C10orf105: variants seen among roughly 807,000 people sequenced by gnomAD.
C10orf105 encodes the protein uncharacterized protein C10orf105.
A neutral mutation model predicts 0.6 loss-of-function variants in C10orf105; 2 were observed. The ratio of observed to expected loss-of-function variants is 3.18; its 90% CI spans 1.30 to 10.01. The LOEUF (loss-of-function observed/expected upper bound fraction) is 10.01. C10orf105 is among the 30% of genes most tolerant of loss of function. The pLI is 0.04. For synonymous variants in C10orf105, 95 were observed against 82.4 expected (o/e 1.15, Z -0.83); for missense variants, 209 against 191.4 (o/e 1.09, Z -0.54).
At chr10:71,728,095 G>A (rs1182859265) in intron 1 of C10orf105, among the ~76,000 whole-genome samples, 2 of 152,154 alleles carry the variant, frequency 1.3e-5, no homozygotes, top group Non-Finnish European at 2.9e-5. Context: ...ATTTGGACAA[G>A]CAGATTGAGG....
At position 71,737,606 on chromosome 10, in the gene C10orf105, C is replaced by T. The variant is rs1839602904; in HGVS notation, c.-6+122G>A. On this transcript the variant is annotated intron_variant, in intron 1 of 1. Transcript: ENST00000398786. ...CCTGGGAGCCCCTGAACCCCACATGCAGGGAAGCAGAGAATGGGGTCTGGC... is the reference window on the plus strand; with the variant it reads ...CCTGGGAGCCCCTGAACCCCACATGTAGGGAAGCAGAGAATGGGGTCTGGC... 8.9e-6 allele frequency: 4 copies of T among 449,908 alleles called. No homozygotes were observed. The Admixed American group carries it at 9.5e-5, about 11-fold the overall frequency. 27.9% of individuals were successfully genotyped at this position (449,908 alleles called of 1,614,324 possible).
At chr10:71,723,937 T>C, upstream of C10orf105, 1 of 1,264,198 alleles carries the variant, frequency 7.9e-7, no homozygotes, top group Non-Finnish European at 1.1e-6. Context: ...CCACAGGTTT[T>C]GGCAGGATGG....
chr10:71,726,690 T>C (rs930749548), intron 1 of C10orf105, among the ~76,000 whole-genome samples: 5 of 152,244 alleles, frequency 3.3e-5, no homozygotes, highest in African/African-American at 1.2e-4. Context: ...ATTCGTGGGC[T>C]GGTCAGTACG....
Position 71,716,167 on chromosome 10 carries a change from C to T in C10orf105, c.171G>A (p.Thr57=), listed in dbSNP as rs751622058. Residue 57 remains threonine, a synonymous_variant, in exon 2 of 2, where the codon ACG becomes ACA. Transcript: ENST00000441508. Reference sequence around the variant, plus strand: ...GGTCCAGCGCGGCCGGCTTGCAGAGCGTCATGAACAGCAGACAGGTGGCCA... The same window carrying T: ...GGTCCAGCGCGGCCGGCTTGCAGAGTGTCATGAACAGCAGACAGGTGGCCA... ...LLLATCLLFM[T]LCKPAALDPS... is the part of the protein sequence containing the mutation. 6.4e-6 allele frequency: 10 copies of T among 1,550,704 alleles called. No individual in the cohort carries two copies. The South Asian group carries it at 1.1e-4, about 17-fold the overall frequency.
At chr10:71,723,888 C>T (rs3802713), upstream of C10orf105, among the ~76,000 whole-genome samples, 23,749 of 152,110 alleles carry the variant, frequency 0.16, 2,072 homozygotes, top group South Asian at 0.33. Context: ...AAGACATACA[C>T]GTCCCCTTGT....
At chr10:71,732,645 A>G in intron 1 of C10orf105, 1 of 1,363,544 alleles carries the variant, frequency 7.3e-7, no homozygotes, top group Non-Finnish European at 9.5e-7. Flanking sequence ...ACAAAGAAAC[A>G]AAAAAAAGTC....
In C10orf105 at chr10:71,712,605, C is replaced by T. The variant is rs2132759991; in HGVS notation, c.*3331G>A. On this transcript the variant is annotated 3_prime_UTR_variant, in exon 2 of 2. Coordinates refer to ENST00000441508, the MANE Select transcript of C10orf105 (RefSeq NM_001164375.3). ...CGGTGCCCGGGAGTGTGCAAAGTCACAGGAAGTGTGCCCCTCTCTCAGGCA... is the reference window on the plus strand; with the variant it reads ...CGGTGCCCGGGAGTGTGCAAAGTCATAGGAAGTGTGCCCCTCTCTCAGGCA... 2 of 1,593,630 alleles carry T rather than the reference C, an allele frequency of 1.3e-6. No individual in the cohort carries two copies. The highest frequency in any genetic ancestry group is 4.5e-5 in the East Asian group (2 of 44,296).
upstream of C10orf105, chr10:71,723,916 T>G: frequency 9.7e-7 from 1 of 1,028,084 alleles, no homozygotes; most frequent in Non-Finnish European, 1.5e-6. Context: ...ACCCCCAGCC[T>G]CTGAGGGAGA....
intron 1 of C10orf105, among the ~76,000 whole-genome samples, chr10:71,718,071 T>C (rs950491017): frequency 5.3e-5 from 8 of 152,178 alleles, no homozygotes; most frequent in African/African-American, 1.9e-4. Context: ...CCCTTTAACC[T>C]TGGGGTCTTT....
intron 1 of C10orf105, among the ~76,000 whole-genome samples, chr10:71,730,963 C>G (rs1303148828): frequency 1.3e-5 from 2 of 152,184 alleles, no homozygotes; most frequent in African/African-American, 4.8e-5. Context: ...TGCGGCCTGG[C>G]CTGCTCCTCC....
At chr10:71,734,152 G>A in intron 1 of C10orf105, 2 of 1,050,012 alleles carry the variant, frequency 1.9e-6, no homozygotes, top group South Asian at 1.3e-5. Context: ...GACAGAGGAA[G>A]TGACATGGAG....
chr10:71,721,402 A>G (rs1866548635), upstream of C10orf105, among the ~76,000 whole-genome samples: 1 of 152,114 alleles, frequency 6.6e-6, no homozygotes, highest in African/African-American at 2.4e-5. Context: ...ACACATCCCC[A>G]TGCTAGGCAC....
At chr10:71,724,418 G>T (rs61852056), upstream of C10orf105, among the ~76,000 whole-genome samples, 1 of 152,040 alleles carries the variant, frequency 6.6e-6, no homozygotes, top group Non-Finnish European at 1.5e-5. Flanking sequence ...TCAGCCTCCC[G>T]TCCCCAGTAG....
chr10:71,718,862 T>C (rs1318994060), intron 1 of C10orf105, among the ~76,000 whole-genome samples: 1 of 151,312 alleles, frequency 6.6e-6, no homozygotes, highest in Non-Finnish European at 1.5e-5. Context: ...AGCCCAGGAG[T>C]TTGAGAACAG....
chr10:71,726,149 G>T (rs1866798831), intron 1 of C10orf105, among the ~76,000 whole-genome samples: 1 of 152,116 alleles, frequency 6.6e-6, no homozygotes. Context: ...GCCAGCAGGG[G>T]GATGACTGAG....
rs373634236 is a variant in C10orf105, at chr10:71,732,312, G to A, written c.-6+5416C>T. Reference sequence around the variant, plus strand: ...CCATCGACAACCTCAACCAAATCACGTACCGCTTCAACGCCTACACCAGCA... The same window carrying A: ...CCATCGACAACCTCAACCAAATCACATACCGCTTCAACGCCTACACCAGCA... On this transcript the variant is annotated intron_variant, in intron 1 of 1. Coordinates refer to the C10orf105 transcript ENST00000398786. The A allele has an allele frequency of 5.0e-5, 81 of 1,607,022 alleles. No homozygotes were observed. Among genetic ancestry groups the A allele is most frequent in the Middle Eastern group, 5.0e-4 (3 of 6,058 alleles).
At chr10:71,724,030 C>T (rs1304889620), upstream of C10orf105, 46 of 1,554,878 alleles carry the variant, frequency 3.0e-5, no homozygotes, top group Non-Finnish European at 3.9e-5. Flanking sequence ...TAACTCGTGT[C>T]TCATTCTTCC....
rs904021576 is a variant in C10orf105 at position 71,715,696 on chromosome 10, C to G, written c.*240G>C. The stretch of plus-strand genomic sequence containing the variant: ...CCCAGATGACCACGAGTGCACATCT[C>G]TTGACCAGAAGTCTTTCATCAAGCA... On this transcript the variant is annotated 3_prime_UTR_variant, in exon 2 of 2. Coordinates refer to ENST00000441508, the MANE Select transcript of C10orf105 (RefSeq NM_001164375.3). 1.0e-5 allele frequency: 4 copies of G among 394,100 alleles called. No individual in the cohort carries two copies. Among genetic ancestry groups the G allele is most frequent in the African/African-American group, 2.1e-5 (1 of 48,074 alleles). The allele number at this position is 394,100 out of a possible 1,614,324, so 24.4% of individuals were successfully genotyped here.
intron 1 of C10orf105, among the ~76,000 whole-genome samples, chr10:71,730,283 C>T (rs902419591): frequency 6.6e-6 from 1 of 152,242 alleles, no homozygotes; most frequent in Non-Finnish European, 1.5e-5. Context: ...TGAGCACCTG[C>T]CACGCGCCAG....
Sources: allele counts gnomAD v4.1 joint callset (sites outside exome capture counted in the v4.1 genomes callset), GRCh38; gene constraint gnomAD v4.1.1; transcripts MANE v1.5; gene names NCBI Gene and HGNC (gene_info 2026-07-23, HGNC 2026-07-21).